The following OBSL1 variants were observed in gnomAD, a reference collection of about 807,000 sequenced individuals.
OBSL1 encodes the protein obscurin-like protein 1.
In OBSL1, 160 loss-of-function variants were observed where a neutral mutation model predicts 172.0. The observed-to-expected ratio is 0.93, with a 90% CI of 0.82 to 1.06. The LOEUF (loss-of-function observed/expected upper bound fraction) is 1.06, where lower values mean the gene tolerates loss of function less well. Ranked by LOEUF, OBSL1 falls within the 50% of genes least tolerant of loss-of-function variation. The pLI is 0.00. For synonymous variants in OBSL1, 1,200 were observed against 1,196.3 expected (o/e 1.00, Z -0.06); for missense variants, 2,681 against 2,715.4 (o/e 0.99, Z 0.28).
At chr2:219,559,878 T>C (rs1188451082) in intron 8 of OBSL1, among the ~76,000 whole-genome samples, 1 of 152,198 alleles carries the variant, frequency 6.6e-6, no homozygotes, top group East Asian at 1.9e-4. Flanking sequence ...CACTCATATC[T>C]TATAGATATA....
intron 6 of OBSL1, 39 bp from the exon 7 acceptor site, chr2:219,563,666 C>T (rs527902489): frequency 2.3e-5 from 36 of 1,588,350 alleles, no homozygotes; most frequent in Non-Finnish European, 2.8e-5. Flanking sequence ...CAGACACCCC[C>T]GCACAATGAG....
At chr2:219,564,480 A>C (rs1696727991) in intron 6 of OBSL1, among the ~76,000 whole-genome samples, 1 of 152,224 alleles carries the variant, frequency 6.6e-6, no homozygotes, top group Non-Finnish European at 1.5e-5. Flanking sequence ...GTGAAGATTA[A>C]ATGAAAGAGT....
rs1415396823 is a variant in OBSL1, at chr2:219,565,529, G to A, written c.2135-15C>T. ...CACCGGGCTCTCTGTGTGGGGAGAAGTACAGATAAGCACCCCTCCCTCCGG... is the reference window on the plus strand; with the variant it reads ...CACCGGGCTCTCTGTGTGGGGAGAAATACAGATAAGCACCCCTCCCTCCGG... On this transcript the variant is annotated splice_polypyrimidine_tract_variant and intron_variant, in intron 5 of 20. Transcript: ENST00000404537. 5.6e-6 allele frequency: 9 copies of A among 1,600,992 alleles called. No individual in the cohort carries two copies. Among genetic ancestry groups the A allele is most frequent in the Non-Finnish European group, 7.6e-6 (9 of 1,177,716 alleles).
At chr2:219,548,311 G>C (rs1482277529), downstream of OBSL1, among the ~76,000 whole-genome samples, 1 of 152,248 alleles carries the variant, frequency 6.6e-6, no homozygotes, top group Non-Finnish European at 1.5e-5. Context: ...GGATACAGCA[G>C]AGATAACACA....
At chr2:219,548,306 C>T (rs1380687343), downstream of OBSL1, among the ~76,000 whole-genome samples, 2 of 152,228 alleles carry the variant, frequency 1.3e-5, no homozygotes, top group African/African-American at 2.4e-5. Context: ...ACCAGGGATA[C>T]AGCAGAGATA....
chr2:219,553,872 G>A (rs1695816489), intron 15 of OBSL1, among the ~76,000 whole-genome samples, 186 bp from the exon 16 acceptor site: 3 of 152,144 alleles, frequency 2.0e-5, no homozygotes, highest in Admixed American at 6.5e-5. Context: ...AGGTGGGCAG[G>A]GCCACAGGGC....
At chr2:219,547,884 C>T (rs1291603094), downstream of OBSL1, 1 of 1,595,944 alleles carries the variant, frequency 6.3e-7, no homozygotes. Flanking sequence ...ACTGGTGCTG[C>T]GCTGATCGCC....
At position 219,571,418 on chromosome 2, in the gene OBSL1, C is replaced by T; in HGVS notation, c.-186G>A. ...CCCTCGGCCCCGAGCTGCAGCTCTG[C>T]GGCGGCGGCGGCGGCGATTCCCGGG... On this transcript the variant is annotated 5_prime_UTR_variant, in exon 1 of 21. Transcript: ENST00000404537. The T allele has an allele frequency of 3.1e-6, 1 of 321,616 alleles. No individual in the cohort carries two copies. Among genetic ancestry groups the T allele is most frequent in the Non-Finnish European group, 5.6e-6 (1 of 178,924 alleles). The allele number at this position is 321,616 out of a possible 1,614,324, so 19.9% of individuals were successfully genotyped here.
Position 219,571,367 on chromosome 2 carries a change from C to A in OBSL1, c.-135G>T. 2.1e-6 allele frequency: 1 copy of A among 471,606 alleles called. No homozygotes were observed. Among genetic ancestry groups the A allele is most frequent in the Non-Finnish European group, 3.3e-6 (1 of 305,032 alleles). 29.2% of individuals were successfully genotyped at this position (471,606 alleles called of 1,614,324 possible). A position where few individuals can be genotyped will look rare whatever the true frequency, so the allele number is the denominator to read the frequency against. ...CGGGGACCCGCGGAGCTCTCCCGGG[C>A]CTCCCGCTCCCGGCTCGCCTCCTTA... On this transcript the variant is annotated 5_prime_UTR_variant, in exon 1 of 21. Transcript: ENST00000404537.
chr2:219,555,535 C>A, intron 14 of OBSL1: 1 of 732,898 alleles, frequency 1.4e-6, no homozygotes, highest in Non-Finnish European at 1.7e-6. Flanking sequence ...CTGCCTTGGC[C>A]TCCCAAAGTG....
Position 219,562,469 on chromosome 2 carries a change from G to A in OBSL1, c.2886C>T (p.Leu962=), listed in dbSNP as rs757808976. ...VRRLVLPAVQ[L]EDSGEYLCEI... is the part of the protein sequence containing the mutation. ...CACACAAGTACTCGCCGGAGTCCTC[G>A]AGCTGGACAGCGGGCAGCACCAGGC... The change falls in exon 8 of 21, where the codon CTC becomes CTT. Residue 962 remains leucine, a synonymous_variant. Coordinates refer to ENST00000404537, the MANE Select transcript of OBSL1 (RefSeq NM_015311.3). The A allele has an allele frequency of 9.3e-6, 15 of 1,613,846 alleles. No homozygotes were observed. The highest frequency in any genetic ancestry group is 1.6e-4 in the Middle Eastern group (1 of 6,084).
chr2:219,564,314 C>CT (rs1384917909), intron 6 of OBSL1, among the ~76,000 whole-genome samples: 1 of 152,196 alleles, frequency 6.6e-6, no homozygotes, highest in Non-Finnish European at 1.5e-5. Context: ...CACGGGGTGA[C>CT]TGCACTCGAT....
chr2:219,552,623 T>C lies in OBSL1; in HGVS notation c.5221A>G (p.Thr1741Ala), dbSNP rs1574519193. The part of the protein sequence containing the change: ...REGDGATFEC[T>A]VSEVETTGRW... ...CCCGTGGTCTCGACCTCCGACACGG[T>C]GCACTCGAACGTAGCGCCGTCGCCT... Residue 1741 changes from threonine to alanine, a missense_variant, in exon 18 of 21, where the codon ACC becomes GCC. Physicochemically the swap from Thr to Ala is moderately conservative, Grantham distance 58 (BLOSUM62 0). This residue lies in a region of OBSL1 where 1,765 missense variants were observed against 1,748.3 expected (regional missense o/e 1.01). Coordinates refer to ENST00000404537, the MANE Select transcript of OBSL1 (RefSeq NM_015311.3). 7.0e-6 allele frequency: 11 copies of C among 1,569,432 alleles called. No individual in the cohort carries two copies. The highest frequency in any genetic ancestry group is 2.3e-5 in the East Asian group (1 of 43,066).
In OBSL1 at chr2:219,556,018, A is replaced by C; in HGVS notation, c.4609+2T>G. The C allele has an allele frequency of 2.5e-6, 4 of 1,613,302 alleles. No homozygotes were observed. Among genetic ancestry groups the C allele is most frequent in the Non-Finnish European group, 3.4e-6 (4 of 1,179,812 alleles). On this transcript the variant is annotated splice_donor_variant, in intron 14 of 20. Transcript: ENST00000404537. LOFTEE classifies it high-confidence loss of function. The stretch of plus-strand genomic sequence containing the variant: ...TGCATTAAGAGAGGACGGGGCACTC[A>C]CGCCTCACGCTGAGCCTGGCCAGGG...
chr2:219,549,817 C>G (rs748430000), downstream of OBSL1: 3 of 1,614,110 alleles, frequency 1.9e-6, no homozygotes, highest in Non-Finnish European at 2.5e-6. Context: ...TCCCGGGGAC[C>G]TCTGACAGCC....
chr2:219,556,404 G>C (rs1220843938), intron 13 of OBSL1, 50 bp downstream of exon 13: 2 of 1,604,276 alleles, frequency 1.2e-6, no homozygotes, highest in African/African-American at 2.7e-5. Context: ...AATCCTGGTT[G>C]GGAGTACAGG....
In OBSL1 at chr2:219,563,601, G is replaced by A. The variant is rs1470331069; in HGVS notation, c.2434C>T (p.Arg812Ter). The A allele has an allele frequency of 4.3e-6, 7 of 1,613,388 alleles. No homozygotes were observed. The highest frequency in any genetic ancestry group is 2.2e-5 in the South Asian group (2 of 91,060). The change falls in exon 7 of 21, where the codon CGA (arginine) becomes TGA (stop). Residue 812 changes from arginine to a stop codon, truncating the protein, a stop_gained. Coordinates refer to ENST00000404537, the MANE Select transcript of OBSL1 (RefSeq NM_015311.3). LOFTEE classifies it high-confidence loss of function. ...ATGGCATGCACGAACACATGTTCTCGGGGGTCCACGATGTGCACGGGAGGA... is the reference window on the plus strand; with the variant it reads ...ATGGCATGCACGAACACATGTTCTCAGGGGTCCACGATGTGCACGGGAGGA... ...QDPPVHIVDP[R>*]EHVFVHAITS...
chr2:219,555,731 C>G lies in OBSL1; in HGVS notation c.4609+289G>C, dbSNP rs1000914991. 3.1e-6 allele frequency: 4 copies of G among 1,305,146 alleles called. No homozygotes were observed. The African/African-American group carries it at 5.9e-5, about 19-fold the overall frequency. The allele number at this position is 1,305,146 out of a possible 1,614,324, so 80.8% of individuals were successfully genotyped here. ...AGTGGGTATGTGTATCCCTAGAATA[C>G]ATGCCTGAAGGATGCCCATGGCAAG... On this transcript the variant is annotated intron_variant, in intron 14 of 20. Transcript: ENST00000404537.
rs1298402217 is a variant in OBSL1, at chr2:219,554,611, T to A, written c.4739A>T (p.Tyr1580Phe). The A allele has an allele frequency of 5.0e-6, 8 of 1,613,002 alleles. No homozygotes were observed. The highest frequency in any genetic ancestry group is 6.8e-6 in the Non-Finnish European group (8 of 1,179,720). Residue 1580 changes from tyrosine (Y) to phenylalanine (F), a missense_variant, in exon 15 of 21, where the codon TAT becomes TTT. Coordinates refer to ENST00000404537, the MANE Select transcript of OBSL1 (RefSeq NM_015311.3). ...GTGGATGTGACACTTGGGTCCTGGA[T>A]ACAGCTGTACTCCACCCCGGGCCCA... ...GEWARGGVQL[Y>F]PGPKCHIHSD... is the part of the protein sequence containing the mutation.
Sources: gnomAD v4.1 joint callset for allele counts (sites outside exome capture counted in the v4.1 genomes callset) on GRCh38, gnomAD v4.1.1 for gene constraint, gnomAD v4.1.1 regional missense constraint, MANE v1.5 for transcripts, NCBI Gene and HGNC (gene_info 2026-07-23, HGNC 2026-07-21) for gene names.